The following JARID2 variants were observed in gnomAD, a reference collection of about 807,000 sequenced individuals.
The protein encoded by JARID2 is jumonji and AT-rich interaction domain containing 2.
A neutral mutation model predicts 125.6 loss-of-function variants in JARID2; 21 were observed. The ratio of observed to expected loss-of-function variants is 0.17; its 90% confidence interval spans 0.12 to 0.24. JARID2 has a LOEUF of 0.24. Among genes scored for constraint, JARID2 ranks in the 10% least tolerant of loss-of-function variants. The pLI, the probability that JARID2 is intolerant of heterozygous loss-of-function variation, is 1.00. For missense variants in JARID2, 1,303 were observed against 1,639.6 expected (o/e 0.79, Z 3.55); for synonymous variants, 736 against 661.6 (o/e 1.11, Z -1.73).
At position 15,496,215 on chromosome 6, in the gene JARID2, T is replaced by G; in HGVS notation, c.990T>G (p.Pro330=). ...TSAKKMREVR[P]SPSKTVKYTA... is the part of the protein sequence containing the mutation. Reference sequence around the variant, plus strand: ...CCAAAAAGATGCGCGAGGTCAGACCTTCACCATCCAAAACTGTGAAGTACA... The same window carrying G: ...CCAAAAAGATGCGCGAGGTCAGACCGTCACCATCCAAAACTGTGAAGTACA... Residue 330 remains proline (P), a synonymous_variant, in exon 7 of 18, where the codon CCT becomes CCG. Transcript: ENST00000341776. The G allele has an allele frequency of 6.2e-7, 1 of 1,614,132 alleles. No homozygotes were observed. The highest frequency in any genetic ancestry group is 8.5e-7 in the Non-Finnish European group (1 of 1,180,018).
At chr6:15,327,228 G>T (rs72834574) in intron 1 of JARID2, among the ~76,000 whole-genome samples, 2 of 151,988 alleles carry the variant, frequency 1.3e-5, no homozygotes, top group African/African-American at 4.8e-5. Context: ...AATAAAAATG[G>T]TAACTTCTAG....
intron 6 of JARID2, among the ~76,000 whole-genome samples, chr6:15,491,847 T>C (rs1022231108): frequency 2.6e-5 from 4 of 152,114 alleles, no homozygotes; most frequent in African/African-American, 7.2e-5. Context: ...AGAGTGTGGA[T>C]TGGGTACAGT....
intron 3 of JARID2, among the ~76,000 whole-genome samples, chr6:15,433,698 C>G (rs1044808907): frequency 6.6e-6 from 1 of 152,140 alleles, no homozygotes; most frequent in African/African-American, 2.4e-5. Context: ...CACTACTGCC[C>G]ACCCACATCA....
At chr6:15,247,952 G>A (rs952657244) in intron 1 of JARID2, 1 of 985,318 alleles carries the variant, frequency 1.0e-6, no homozygotes, top group African/African-American at 1.7e-5. Context: ...CGCCTTCCCG[G>A]GGCACGTCCG....
intron 1 of JARID2, among the ~76,000 whole-genome samples, chr6:15,320,940 G>A (rs1762335105): frequency 6.6e-6 from 1 of 151,174 alleles, no homozygotes; most frequent in Non-Finnish European, 1.5e-5. Context: ...TGTGATGCTG[G>A]TACATTTTCT....
At chr6:15,249,099 C>T (rs867014290) in intron 1 of JARID2, 1 of 253,456 alleles carries the variant, frequency 3.9e-6, no homozygotes, top group Non-Finnish European at 6.2e-6. Context: ...TCCAGGTCTC[C>T]TGATGGTGTT....
chr6:15,500,152 G>C (rs572826726), intron 7 of JARID2, among the ~76,000 whole-genome samples: 1 of 152,118 alleles, frequency 6.6e-6, no homozygotes, highest in Admixed American at 6.5e-5. Flanking sequence ...CACTGGGCGC[G>C]CGTTAAAACC....
At chr6:15,325,997 A>G (rs1762521678) in intron 1 of JARID2, among the ~76,000 whole-genome samples, 1 of 152,186 alleles carries the variant, frequency 6.6e-6, no homozygotes, top group Non-Finnish European at 1.5e-5. Flanking sequence ...GTTAACATGT[A>G]ATGATTGTAT....
intron 9 of JARID2, 87 bp downstream of exon 9, chr6:15,504,679 G>A (rs2127750935): frequency 2.4e-6 from 2 of 830,034 alleles, no homozygotes; most frequent in South Asian, 2.8e-5. Context: ...CCTGACCCCT[G>A]CAGCTCGGTG....
chr6:15,279,160 A>T, intron 1 of JARID2, among the ~76,000 whole-genome samples: 1 of 134,324 alleles, frequency 7.4e-6, no homozygotes, highest in Non-Finnish European at 1.5e-5. Context: ...ATTCATATAT[A>T]TGGACAATAA....
chr6:15,259,210 G>T (rs1759781633), intron 1 of JARID2, among the ~76,000 whole-genome samples: 1 of 152,208 alleles, frequency 6.6e-6, no homozygotes, highest in Non-Finnish European at 1.5e-5. Flanking sequence ...CAGGCAAGAT[G>T]TACCCTTAGA....
intron 12 of JARID2, chr6:15,509,268 C>T (rs914270520): frequency 2.8e-5 from 28 of 985,190 alleles, no homozygotes; most frequent in Non-Finnish European, 3.4e-5. Context: ...GATGTCTTGT[C>T]GTCTGATCGT....
chr6:15,291,158 C>T (rs1761197582), intron 1 of JARID2, among the ~76,000 whole-genome samples: 1 of 152,018 alleles, frequency 6.6e-6, no homozygotes, highest in African/African-American at 2.4e-5. Context: ...TTGCTTGAGC[C>T]CAGGAGTTCA....
chr6:15,334,524 T>G (rs1004815583), intron 1 of JARID2, among the ~76,000 whole-genome samples: 1 of 152,230 alleles, frequency 6.6e-6, no homozygotes, highest in African/African-American at 2.4e-5. Flanking sequence ...CAAGCTAGTC[T>G]GGATTTGACA....
chr6:15,362,109 A>C, intron 1 of JARID2, among the ~76,000 whole-genome samples: 1 of 151,124 alleles, frequency 6.6e-6, no homozygotes, highest in Admixed American at 6.6e-5. Context: ...CTGGTCTTGA[A>C]CTCTTGACCT....
chr6:15,379,528 C>G (rs1223551241), intron 2 of JARID2, among the ~76,000 whole-genome samples: 1 of 152,162 alleles, frequency 6.6e-6, no homozygotes, highest in Non-Finnish European at 1.5e-5. Flanking sequence ...AAGCTATTAA[C>G]TGTATTTGAA....
intron 1 of JARID2, among the ~76,000 whole-genome samples, chr6:15,260,096 A>G (rs1233979136): frequency 6.6e-6 from 1 of 152,214 alleles, no homozygotes; most frequent in Non-Finnish European, 1.5e-5. Context: ...AATTTTAAAG[A>G]TGCATGAAAG....
intron 3 of JARID2, among the ~76,000 whole-genome samples, chr6:15,418,647 A>G (rs1307240745): frequency 1.3e-5 from 2 of 152,212 alleles, no homozygotes. Flanking sequence ...TTTTTTGTTA[A>G]ACAAGGAGCT....
rs573679536 is a variant in JARID2, at chr6:15,485,625, C to T, written c.671-1682C>T. 1.7e-4 allele frequency among the ~76,000 whole-genome samples: 25 copies of T among 150,546 alleles called. No individual in the cohort carries two copies. In the South Asian group the frequency reaches 4.1e-3, roughly 25 times the overall value. The stretch of plus-strand genomic sequence containing the variant: ...GTATTAAAACATGTCATACTGTAAA[C>T]GTACCATTTTAATTGTTATACTTTC... On this transcript the variant is annotated intron_variant, in intron 5 of 17. Transcript: ENST00000341776.
Sources: allele counts gnomAD v4.1 joint callset (sites outside exome capture counted in the v4.1 genomes callset), GRCh38; gene constraint gnomAD v4.1.1; transcripts MANE v1.5; gene names NCBI Gene and HGNC (gene_info 2026-07-23, HGNC 2026-07-21).